Variants in LRRC28 observed in about 807,000 individuals in gnomAD.
The protein encoded by LRRC28 is leucine rich repeat containing 28.
Under a neutral mutation model 45.7 loss-of-function variants are expected in LRRC28, and 39 were observed. The ratio of observed to expected loss-of-function variants is 0.85; its 90% CI spans 0.66 to 1.12. The LOEUF (loss-of-function observed/expected upper bound fraction) is 1.12. Among genes scored for constraint, LRRC28 ranks in the 50% most tolerant of loss-of-function variants. LRRC28 has a pLI of 0.00. For synonymous variants in LRRC28, 206 were observed against 178.8 expected (o/e 1.15, Z -1.22); for missense variants, 435 against 438.5 (o/e 0.99, Z 0.07).
At chr15:99,259,184 C>A in intron 2 of LRRC28, 1 of 1,130,294 alleles carries the variant, frequency 8.8e-7, no homozygotes, top group Non-Finnish European at 1.4e-6. Flanking sequence ...CATTACTAGC[C>A]TACACCAGGA....
chr15:99,261,162 T>C (rs944891488), intron 2 of LRRC28, among the ~76,000 whole-genome samples: 3 of 152,236 alleles, frequency 2.0e-5, no homozygotes, highest in African/African-American at 4.8e-5. Flanking sequence ...TGAATGCTCA[T>C]GTTTAGAACT....
At chr15:99,270,761 T>A (rs558353001) in intron 2 of LRRC28, among the ~76,000 whole-genome samples, 2 of 152,310 alleles carry the variant, frequency 1.3e-5, no homozygotes, top group African/African-American at 4.8e-5. Context: ...TTGAAGGACC[T>A]GTTTTCAGTT....
chr15:99,261,684 T>C (rs928505669), intron 2 of LRRC28, among the ~76,000 whole-genome samples: 5 of 151,880 alleles, frequency 3.3e-5, no homozygotes, highest in African/African-American at 9.7e-5. Flanking sequence ...TTAGATGGAG[T>C]TTCACTCTTG....
intron 3 of LRRC28, among the ~76,000 whole-genome samples, chr15:99,281,665 G>A (rs2081796299): frequency 6.6e-6 from 1 of 152,134 alleles, no homozygotes; most frequent in Non-Finnish European, 1.5e-5. Context: ...ACCTTATAAA[G>A]TTTGCATTTT....
chr15:99,295,596 A>G (rs965453381), intron 5 of LRRC28, among the ~76,000 whole-genome samples: 3 of 152,230 alleles, frequency 2.0e-5, no homozygotes, highest in Non-Finnish European at 4.4e-5. Flanking sequence ...ACCATGAGAG[A>G]AGGTTATAGT....
chr15:99,287,271 A>G lies in LRRC28; in HGVS notation c.224A>G (p.Asn75Ser), dbSNP rs2081984026. The change falls in exon 4 of 10, where the codon AAT (asparagine) becomes AGT (serine). Residue 75 changes from asparagine to serine, a missense_variant. Transcript: ENST00000301981. The part of the protein sequence containing the change: ...PNLVELYLHS[N>S]NIVVVPEAIG... ...TTCCTTCCTAGATACCTGCACTCAA[A>G]TAACATAGTTGTGGTTCCGGAAGGT... is the stretch of plus-strand genomic sequence containing the variant. 2 of 1,572,976 alleles carry G rather than the reference A, an allele frequency of 1.3e-6. No homozygotes were observed. Among genetic ancestry groups the G allele is most frequent in the African/African-American group, 1.4e-5 (1 of 73,036 alleles).
chr15:99,273,040 T>C (rs1223228239), intron 2 of LRRC28, among the ~76,000 whole-genome samples: 1 of 152,230 alleles, frequency 6.6e-6, no homozygotes, highest in Non-Finnish European at 1.5e-5. Context: ...TAGTCTCTTA[T>C]ATGCTGTACC....
At chr15:99,312,351 C>G (rs756297954) in intron 5 of LRRC28, among the ~76,000 whole-genome samples, 1 of 152,156 alleles carries the variant, frequency 6.6e-6, no homozygotes, top group African/African-American at 2.4e-5. Context: ...ACATATTAGT[C>G]TAGGCCTACA....
chr15:99,327,956 T>C (rs1416462577), intron 5 of LRRC28, among the ~76,000 whole-genome samples: 1 of 152,334 alleles, frequency 6.6e-6, no homozygotes, highest in Non-Finnish European at 1.5e-5. Context: ...TTCCTTCTGA[T>C]TTATTTTATT....
chr15:99,271,141 C>T (rs1008442611), intron 2 of LRRC28, among the ~76,000 whole-genome samples: 1 of 152,052 alleles, frequency 6.6e-6, no homozygotes, highest in African/African-American at 2.4e-5. Flanking sequence ...TGTAAGGGTT[C>T]TTTTTATAGT....
chr15:99,353,535 A>G (rs1028418197), intron 7 of LRRC28: 6 of 152,236 alleles, frequency 3.9e-5, no homozygotes, highest in South Asian at 2.1e-4. Context: ...TGAAGCAAAG[A>G]TAATAGAATA....
chr15:99,327,073 T>G (rs1956006043), intron 5 of LRRC28, among the ~76,000 whole-genome samples: 1 of 151,288 alleles, frequency 6.6e-6, no homozygotes, highest in Non-Finnish European at 1.5e-5. Flanking sequence ...ATTCAGTTTG[T>G]TTTTTTTTAA....
chr15:99,264,812 T>C (rs762859620), intron 2 of LRRC28, among the ~76,000 whole-genome samples: 1 of 152,148 alleles, frequency 6.6e-6, no homozygotes, highest in Non-Finnish European at 1.5e-5. Context: ...GAAATTCCCA[T>C]TAGAGAGGAG....
chr15:99,266,495 G>A (rs749487313), intron 2 of LRRC28, among the ~76,000 whole-genome samples: 1 of 152,054 alleles, frequency 6.6e-6, no homozygotes. Flanking sequence ...TTAACACCTA[G>A]TGTTAAGGAT....
chr15:99,269,749 C>T (rs1443515608), intron 2 of LRRC28, among the ~76,000 whole-genome samples: 1 of 152,148 alleles, frequency 6.6e-6, no homozygotes, highest in Non-Finnish European at 1.5e-5. Context: ...TCAGTTCCTC[C>T]ATCACATAGC....
intron 2 of LRRC28, among the ~76,000 whole-genome samples, chr15:99,268,671 C>T (rs1454159021): frequency 6.6e-6 from 1 of 152,158 alleles, no homozygotes; most frequent in Non-Finnish European, 1.5e-5. Flanking sequence ...ACCCCACCCC[C>T]GCAAAACCAA....
intron 3 of LRRC28, among the ~76,000 whole-genome samples, chr15:99,280,842 T>C (rs1218530073): frequency 2.0e-5 from 3 of 152,198 alleles, no homozygotes; most frequent in Admixed American, 6.5e-5. Flanking sequence ...TCTTACCTGT[T>C]TGTTAGACTG....
intron 6 of LRRC28, among the ~76,000 whole-genome samples, chr15:99,347,147 TCCTTA>T (rs1168557783): frequency 6.6e-6 from 1 of 152,118 alleles, no homozygotes; most frequent in African/African-American, 2.4e-5. Flanking sequence ...CTATTTTCCA[TCCTTA>T]CCTTCTTCCC....
At chr15:99,349,708 G>C (rs531017627) in intron 6 of LRRC28, among the ~76,000 whole-genome samples, 4 of 152,224 alleles carry the variant, frequency 2.6e-5, no homozygotes, top group Admixed American at 1.3e-4. Flanking sequence ...TCCCTGATAC[G>C]TAAAGGACTC....
Sources: gnomAD v4.1 joint callset for allele counts (sites outside exome capture counted in the v4.1 genomes callset) on GRCh38, gnomAD v4.1.1 for gene constraint, MANE v1.5 for transcripts, NCBI Gene and HGNC (gene_info 2026-07-23, HGNC 2026-07-21) for gene names.